ITGA2: variants seen among roughly 807,000 people sequenced by gnomAD.
The protein encoded by ITGA2 is integrin alpha-2.
A neutral mutation model predicts 146.3 loss-of-function variants in ITGA2; 101 were observed. That is an observed-to-expected ratio of 0.69 (90% confidence interval 0.59 to 0.81). The LOEUF is 0.81. Among genes scored for constraint, ITGA2 ranks in the 40% least tolerant of loss-of-function variants. The pLI, the probability that ITGA2 is intolerant of heterozygous loss-of-function variation, is 0.00. For synonymous variants in ITGA2, 477 were observed against 487.1 expected (o/e 0.98, Z 0.27); for missense variants, 1,281 against 1,402.7 (o/e 0.91, Z 1.39).
At chr5:53,030,777 C>T (rs1486662340) in intron 2 of ITGA2, among the ~76,000 whole-genome samples, 1 of 152,238 alleles carries the variant, frequency 6.6e-6, no homozygotes, top group Non-Finnish European at 1.5e-5. Flanking sequence ...ATATAGAAGA[C>T]ATCAGTCAGT....
chr5:53,060,970 A>G lies in ITGA2; in HGVS notation c.1382A>G (p.Tyr461Cys). 6.2e-7 allele frequency: 1 copy of G among 1,612,536 alleles called. No homozygotes were observed. The highest frequency in any genetic ancestry group is 1.1e-5 in the South Asian group (1 of 91,060). The change falls in exon 12 of 30, where the codon TAT (tyrosine) becomes TGT (cysteine). Residue 461 changes from tyrosine (Y) to cysteine (C), a missense_variant. Tyr to Cys is a radical substitution (Grantham distance 194). Transcript: ENST00000296585. The stretch of plus-strand genomic sequence containing the variant: ...GTTGCTGGTGCTCCTCGGGCAAATT[A>G]TACCGGCCAGATAGTGCTATATAGT... Reference protein sequence around the residue: ...HFVAGAPRANYTGQIVLYSVN... With the variant: ...HFVAGAPRANCTGQIVLYSVN...
chr5:53,041,512 G>A (rs778788949), intron 2 of ITGA2, among the ~76,000 whole-genome samples: 1 of 152,130 alleles, frequency 6.6e-6, no homozygotes, highest in Non-Finnish European at 1.5e-5. Flanking sequence ...GGCATAGAAA[G>A]CACTCAGCAA....
chr5:53,046,808 A>G (rs1744115383), intron 4 of ITGA2, among the ~76,000 whole-genome samples: 1 of 152,034 alleles, frequency 6.6e-6, no homozygotes, highest in Non-Finnish European at 1.5e-5. Flanking sequence ...CAATCATCAC[A>G]TTTTTTTGAA....
chr5:53,010,991 CAAGTT>C (rs1742097296), intron 1 of ITGA2, among the ~76,000 whole-genome samples: 5 of 151,928 alleles, frequency 3.3e-5, no homozygotes, highest in Non-Finnish European at 7.4e-5. Context: ...GATGCAGACA[CAAGTT>C]AAGGAATGCT....
intron 16 of ITGA2, among the ~76,000 whole-genome samples, chr5:53,067,776 A>G (rs1745212242): frequency 6.6e-6 from 1 of 151,962 alleles, no homozygotes; most frequent in Admixed American, 6.6e-5. Context: ...AATGAGTAAA[A>G]GTCTGAATTA....
chr5:53,040,305 A>T (rs1207199923), intron 2 of ITGA2, among the ~76,000 whole-genome samples: 1 of 152,308 alleles, frequency 6.6e-6, no homozygotes, highest in Non-Finnish European at 1.5e-5. Context: ...CAAAAATCAG[A>T]GTTAATGCTG....
chr5:53,028,847 C>T (rs1743080632), intron 2 of ITGA2, among the ~76,000 whole-genome samples: 1 of 152,228 alleles, frequency 6.6e-6, no homozygotes, highest in African/African-American at 2.4e-5. Flanking sequence ...ACTGTCTCTC[C>T]TGATGCCACC....
intron 27 of ITGA2, among the ~76,000 whole-genome samples, chr5:53,084,012 A>G (rs1266233514): frequency 6.6e-6 from 1 of 152,168 alleles, no homozygotes; most frequent in Admixed American, 6.5e-5. Flanking sequence ...GACTTTCTAA[A>G]TCATCTCAAT....
intron 1 of ITGA2, among the ~76,000 whole-genome samples, chr5:52,993,538 A>G (rs1741075958): frequency 6.6e-6 from 1 of 152,152 alleles, no homozygotes; most frequent in Non-Finnish European, 1.5e-5. Flanking sequence ...TTTCAACATC[A>G]AGAGTTAGTG....
chr5:53,078,371 C>G (rs897637939), intron 23 of ITGA2, among the ~76,000 whole-genome samples: 1 of 152,038 alleles, frequency 6.6e-6, no homozygotes, highest in African/African-American at 2.4e-5. Context: ...AAGTGAAAAC[C>G]CCTGGCTTAT....
At position 53,078,840 on chromosome 5, in the gene ITGA2, A is replaced by G. The variant is rs189823838; in HGVS notation, c.2894A>G (p.Glu965Gly). The G allele has an allele frequency of 1.1e-5, 18 of 1,611,330 alleles. No individual in the cohort carries two copies. The East Asian group carries it at 3.3e-4, about 30-fold the overall frequency. The change falls in exon 24 of 30, where the codon GAA becomes GGA. Residue 965 changes from glutamate to glycine, a missense_variant. Glu to Gly is a moderately conservative substitution (Grantham distance 98). Around this residue, in one of 3 missense-constraint regions of ITGA2, gnomAD observed 475 missense variants for 530.5 expected, o/e 0.90. Transcript: ENST00000296585. ...GNVPSIVHSF[E>G]DVGPKFIFSL... is the part of the protein sequence containing the mutation. Reference sequence around the variant, plus strand: ...GTTCCTTCAATCGTGCACAGTTTTGAAGATGTTGGTCCAAAATTCATCTTC... The same window carrying G: ...GTTCCTTCAATCGTGCACAGTTTTGGAGATGTTGGTCCAAAATTCATCTTC...
At chr5:53,079,402 T>C (rs1745809895) in intron 24 of ITGA2, among the ~76,000 whole-genome samples, 1 of 152,108 alleles carries the variant, frequency 6.6e-6, no homozygotes, top group Admixed American at 6.6e-5. Flanking sequence ...TAATACTAGG[T>C]AGTATCTAAA....
rs528314711 is a variant in ITGA2 at position 53,080,169 on chromosome 5, C to T, written c.2929-342C>T. Among the ~76,000 whole-genome samples, 11 of 152,206 alleles carry T rather than the reference C, an allele frequency of 7.2e-5. No individual in the cohort carries two copies. In the South Asian group the frequency reaches 2.3e-3, roughly 32 times the overall value. On this transcript the variant is annotated intron_variant, in intron 24 of 29. Transcript: ENST00000296585. ...GTCTCACAAAGTCACAAATTACTTA[C>T]CCATTAACATTGTAGATGTTGAGTT...
intron 23 of ITGA2, among the ~76,000 whole-genome samples, chr5:53,075,608 G>A (rs1456416381): frequency 6.6e-6 from 1 of 151,930 alleles, no homozygotes; most frequent in Non-Finnish European, 1.5e-5. Context: ...TTCTCAAAAT[G>A]TTGAAACAGA....
At position 53,094,226 on chromosome 5, in the gene ITGA2, C is replaced by A. The variant is rs1167811562; in HGVS notation, c.*3627C>A. ...CCTTTTGTGTACATTCAGGCATACC[C>A]ATTTTAATCAATTTGAAAGGTTAAT... On this transcript the variant is annotated 3_prime_UTR_variant, in exon 30 of 30. Coordinates refer to ENST00000296585, the MANE Select transcript of ITGA2 (RefSeq NM_002203.4). The A allele has an allele frequency of 1.3e-5, 2 of 151,780 alleles. No individual in the cohort carries two copies. The highest frequency in any genetic ancestry group is 4.9e-5 in the African/African-American group (2 of 41,080). The allele number at this position is 151,780 out of a possible 1,614,324, so 9.4% of individuals were successfully genotyped here.
chr5:53,027,924 C>A (rs1439201868), intron 2 of ITGA2, among the ~76,000 whole-genome samples: 2 of 152,022 alleles, frequency 1.3e-5, no homozygotes, highest in African/African-American at 4.8e-5. Context: ...CTATTAAAAA[C>A]CTGAAAATCA....
At chr5:53,065,661 A>G (rs1745113835) in intron 14 of ITGA2, 180 bp from the exon 15 acceptor site, 2 of 728,398 alleles carry the variant, frequency 2.7e-6, no homozygotes, top group Non-Finnish European at 4.5e-6. Context: ...ATGTGGCTGT[A>G]AGAGTGATGC....
intron 8 of ITGA2, 119 bp downstream of exon 8, chr5:53,055,807 C>T: frequency 3.1e-6 from 4 of 1,306,036 alleles, no homozygotes; most frequent in Non-Finnish European, 4.4e-6. Flanking sequence ...AAAGAAAGTT[C>T]TTACTCTATC....
intron 2 of ITGA2, among the ~76,000 whole-genome samples, chr5:53,028,541 G>A (rs1436532010): frequency 2.0e-5 from 3 of 152,182 alleles, no homozygotes; most frequent in Non-Finnish European, 4.4e-5. Context: ...AATATGGTCG[G>A]TATATTTTGA....
Sources: allele counts gnomAD v4.1 joint callset (sites outside exome capture counted in the v4.1 genomes callset), GRCh38; gene constraint gnomAD v4.1.1; regional missense constraint gnomAD v4.1.1; transcripts MANE v1.5; gene names NCBI Gene and HGNC (gene_info 2026-07-23, HGNC 2026-07-21).